SLCO6A1: variants seen among roughly 807,000 people sequenced by gnomAD.
SLCO6A1 encodes the protein cancer/testis antigen 48.
SLCO6A1 carries 65 observed loss-of-function variants against 72.7 expected under a neutral mutation model. That is an observed-to-expected ratio of 0.89 (90% confidence interval 0.73 to 1.10). The LOEUF (loss-of-function observed/expected upper bound fraction) is 1.10, where lower values mean the gene tolerates loss of function less well. SLCO6A1 is among the 50% of genes least tolerant of loss of function. The probability of loss-of-function intolerance (pLI) is 0.00; values close to 1 mark genes in which losing one functional copy is unlikely to be tolerated. For synonymous variants in SLCO6A1, 314 were observed against 298.2 expected (o/e 1.05, Z -0.55); for missense variants, 874 against 872.6 (o/e 1.00, Z -0.02).
chr5:102,406,462 C>G (rs1265016697), intron 9 of SLCO6A1, among the ~76,000 whole-genome samples: 2 of 151,750 alleles, frequency 1.3e-5, no homozygotes, highest in African/African-American at 4.8e-5. Flanking sequence ...TAATACACAA[C>G]ACAAAAATAA....
chr5:102,420,532 C>A (rs1315183431), intron 7 of SLCO6A1, among the ~76,000 whole-genome samples: 1 of 151,918 alleles, frequency 6.6e-6, no homozygotes, highest in East Asian at 1.9e-4. Context: ...ACATTGTTTT[C>A]TATCCAAGAG....
In SLCO6A1 at chr5:102,476,188, TC is replaced by T. The variant is rs1435239963; in HGVS notation, c.803-396del. On this transcript the variant is annotated intron_variant, in intron 3 of 13. Transcript: ENST00000506729. ...ATCTATGTAACCAAATACCACCTGT[TC>T]CCCCCAACACTACTGAAATTAAAAA... Among the ~76,000 whole-genome samples, 7 of 151,238 alleles carry T rather than the reference TC, an allele frequency of 4.6e-5. No homozygotes were observed. The East Asian group carries it at 1.2e-3, about 25-fold the overall frequency.
intron 6 of SLCO6A1, among the ~76,000 whole-genome samples, chr5:102,452,836 G>A (rs1750493835): frequency 6.6e-6 from 1 of 152,060 alleles, no homozygotes; most frequent in South Asian, 2.1e-4. Flanking sequence ...TTATAATGAT[G>A]GTGACATATG....
At chr5:102,421,702 G>C (rs1202100181) in intron 7 of SLCO6A1, among the ~76,000 whole-genome samples, 1 of 152,170 alleles carries the variant, frequency 6.6e-6, no homozygotes, top group Non-Finnish European at 1.5e-5. Context: ...AGCTTCAGCA[G>C]ACCTAAACAT....
At chr5:102,378,920 A>G (rs1002766335) in intron 12 of SLCO6A1, among the ~76,000 whole-genome samples, 2 of 151,928 alleles carry the variant, frequency 1.3e-5, no homozygotes, top group Non-Finnish European at 2.9e-5. Context: ...AGCTGGGGTT[A>G]CAGGTGCCCG....
chr5:102,484,470 G>A (rs1160935519), intron 1 of SLCO6A1, among the ~76,000 whole-genome samples: 1 of 152,048 alleles, frequency 6.6e-6, no homozygotes, highest in East Asian at 1.9e-4. Flanking sequence ...CCAACATGGT[G>A]AAACCCTGTA....
chr5:102,494,611 A>C (rs1752828868), intron 1 of SLCO6A1, among the ~76,000 whole-genome samples: 1 of 152,218 alleles, frequency 6.6e-6, no homozygotes, highest in African/African-American at 2.4e-5. Context: ...GCACTTCACA[A>C]ACAAAGACAT....
intron 1 of SLCO6A1, among the ~76,000 whole-genome samples, chr5:102,487,142 A>T (rs1752479254): frequency 6.6e-6 from 1 of 152,206 alleles, no homozygotes; most frequent in Non-Finnish European, 1.5e-5. Context: ...AGATGAAAAA[A>T]TCATACTTCA....
At chr5:102,381,779 T>C (rs1200700075) in intron 12 of SLCO6A1, among the ~76,000 whole-genome samples, 1 of 149,996 alleles carries the variant, frequency 6.7e-6, no homozygotes, top group Non-Finnish European at 1.5e-5. Context: ...TGTGAGGTGA[T>C]ATCTCATTGC....
At chr5:102,415,270 A>G (rs1748219166) in intron 8 of SLCO6A1, among the ~76,000 whole-genome samples, 1 of 152,180 alleles carries the variant, frequency 6.6e-6, no homozygotes, top group African/African-American at 2.4e-5. Context: ...AGCAAAAGGA[A>G]CAAAATTGGA....
intron 7 of SLCO6A1, among the ~76,000 whole-genome samples, chr5:102,421,548 G>T (rs949891955): frequency 2.6e-5 from 4 of 152,166 alleles, no homozygotes; most frequent in Non-Finnish European, 4.4e-5. Flanking sequence ...GGCAAAGCCA[G>T]TGTAGCCAGA....
intron 7 of SLCO6A1, among the ~76,000 whole-genome samples, chr5:102,433,972 C>T (rs541893022): frequency 2.6e-5 from 4 of 152,104 alleles, no homozygotes; most frequent in Admixed American, 6.5e-5. Context: ...TTGTATCTTT[C>T]GTCTATCCTT....
Position 102,480,207 on chromosome 5 carries a change from C to T in SLCO6A1, c.586G>A (p.Glu196Lys), listed in dbSNP as rs1580507247. The change falls in exon 2 of 14, where the codon GAA becomes AAA. Residue 196 changes from glutamate (E) to lysine (K), a missense_variant. By Grantham distance (56) the Glu-to-Lys change is moderately conservative (BLOSUM62 1). Transcript: ENST00000506729. ...LLCAFPSINE[E>K]NKQSKVGIED... ...ATTCCTACCTTACTTTGTTTATTTTCTTCATTAATGGATGGAAAAGCACAT... is the reference window on the plus strand; with the variant it reads ...ATTCCTACCTTACTTTGTTTATTTTTTTCATTAATGGATGGAAAAGCACAT... The T allele has an allele frequency of 6.2e-7, 1 of 1,610,076 alleles. No homozygotes were observed. Among genetic ancestry groups the T allele is most frequent in the African/African-American group, 1.3e-5 (1 of 74,642 alleles).
intron 6 of SLCO6A1, among the ~76,000 whole-genome samples, chr5:102,446,535 T>C (rs1750118313): frequency 6.6e-6 from 1 of 152,182 alleles, no homozygotes; most frequent in Non-Finnish European, 1.5e-5. Context: ...TTTGACTTCC[T>C]CTCTTCCTAT....
chr5:102,448,325 A>T (rs1750228815), intron 6 of SLCO6A1, among the ~76,000 whole-genome samples: 1 of 152,212 alleles, frequency 6.6e-6, no homozygotes, highest in Non-Finnish European at 1.5e-5. Flanking sequence ...TGCCATGTGC[A>T]GATGAGAAGA....
chr5:102,475,741 T>C lies in SLCO6A1; in HGVS notation c.855A>G (p.Gly285=). 1 of 1,609,170 alleles carries C rather than the reference T, an allele frequency of 6.2e-7. No individual in the cohort carries two copies. Among genetic ancestry groups the C allele is most frequent in the Admixed American group, 1.7e-5 (1 of 59,414 alleles). ...MIGYALGYVL[G]APLVKVPENT... ...TCTCAGGGACTTTAACTAGTGGTGC[T>C]CCTAGCACATAACCCAGAGCATATC... Residue 285 remains glycine, a synonymous_variant, in exon 4 of 14, where the codon GGA becomes GGG. Coordinates refer to ENST00000506729, the MANE Select transcript of SLCO6A1 (RefSeq NM_173488.5).
intron 6 of SLCO6A1, among the ~76,000 whole-genome samples, chr5:102,457,603 C>G (rs1054020280): frequency 6.6e-6 from 1 of 152,154 alleles, no homozygotes; most frequent in Non-Finnish European, 1.5e-5. Flanking sequence ...CAGGAAACAA[C>G]AGGTACTGGA....
chr5:102,422,043 A>C (rs147493355), intron 7 of SLCO6A1, among the ~76,000 whole-genome samples: 75 of 152,360 alleles, frequency 4.9e-4, no homozygotes, highest in Middle Eastern at 3.4e-3. Context: ...TACTGTTAGA[A>C]GAAAAACTAA....
chr5:102,412,148 A>G (rs1225052803), intron 9 of SLCO6A1, among the ~76,000 whole-genome samples: 1 of 149,784 alleles, frequency 6.7e-6, no homozygotes, highest in East Asian at 2.0e-4. Flanking sequence ...CCAAAACCCT[A>G]CCCCAGCTAC....
Sources: gnomAD v4.1 joint callset for allele counts (sites outside exome capture counted in the v4.1 genomes callset) on GRCh38, gnomAD v4.1.1 for gene constraint, MANE v1.5 for transcripts, NCBI Gene and HGNC (gene_info 2026-07-23, HGNC 2026-07-21) for gene names.